Variants in ALG9 observed in about 807,000 individuals in gnomAD.
The protein encoded by ALG9 is ALG9 alpha-1,2-mannosyltransferase, also known as alpha-1,2-mannosyltransferase ALG9.
Under a neutral mutation model 81.8 loss-of-function variants are expected in ALG9, and 55 were observed. That is an observed-to-expected ratio of 0.67 (90% CI 0.54 to 0.84). The LOEUF (loss-of-function observed/expected upper bound fraction) is 0.84. Ranked by LOEUF, ALG9 falls within the 40% of genes least tolerant of loss-of-function variation. The pLI, the probability that ALG9 is intolerant of heterozygous loss-of-function variation, is 0.00. For synonymous variants in ALG9, 278 were observed against 274.3 expected (o/e 1.01, Z -0.13); for missense variants, 629 against 745.0 (o/e 0.84, Z 1.81).
rs1958167982 is a variant in ALG9 at position 111,853,573 on chromosome 11, C to G, written c.789+76G>C. On this transcript the variant is annotated intron_variant, in intron 7 of 14. Transcript: ENST00000616540. The stretch of plus-strand genomic sequence containing the variant: ...CTGAGAATGAAAAACAGAATAAACT[C>G]CTGATGTTCCTTTTTTCACATCAAA... 1.2e-5 allele frequency: 19 copies of G among 1,557,904 alleles called. 1 individual carries two copies. The South Asian group carries it at 2.1e-4, about 17-fold the overall frequency.
chr11:111,840,806 T>G lies in ALG9; in HGVS notation c.1022A>C (p.Gln341Pro). 6.2e-7 allele frequency: 1 copy of G among 1,614,120 alleles called. No individual in the cohort carries two copies. Among genetic ancestry groups the G allele is most frequent in the Non-Finnish European group, 8.5e-7 (1 of 1,179,980 alleles). ...MEYLLQRFHV[Q>P]NLGHPYWLTL... is the part of the protein sequence containing the mutation. ...AAGCCAATACGGGTGGCCTAAATTC[T>G]GAACTGCAAGACACAGAAAAATACC... is the stretch of plus-strand genomic sequence containing the variant. The change falls in exon 10 of 15, where the codon CAG becomes CCG. Residue 341 changes from glutamine to proline, a missense_variant. Physicochemically the swap from Gln to Pro is moderately conservative, Grantham distance 76 (BLOSUM62 -1). Transcript: ENST00000616540.
intron 9 of ALG9, among the ~76,000 whole-genome samples, chr11:111,843,586 G>C (rs1956539222): frequency 2.0e-5 from 3 of 152,146 alleles, no homozygotes; most frequent in Admixed American, 2.0e-4. Context: ...TGGGGGAACT[G>C]ATCATATGGC....
chr11:111,778,817 T>C (rs1243134749), downstream of ALG9, among the ~76,000 whole-genome samples: 21 of 121,552 alleles, frequency 1.7e-4, no homozygotes, highest in South Asian at 3.8e-3. Flanking sequence ...TTTTCTTTTC[T>C]TTTTTTTTTT....
At chr11:111,832,242 A>G (rs1303194758) in intron 13 of ALG9, among the ~76,000 whole-genome samples, 1 of 152,124 alleles carries the variant, frequency 6.6e-6, no homozygotes, top group Non-Finnish European at 1.5e-5. Context: ...ACCATTTAAC[A>G]TATGTAAAAT....
At chr11:111,797,174 C>G (rs1331965434) in intron 14 of ALG9, among the ~76,000 whole-genome samples, 1 of 152,180 alleles carries the variant, frequency 6.6e-6, no homozygotes, top group Non-Finnish European at 1.5e-5. Flanking sequence ...ACTTCTTTTC[C>G]CCTTGAGCAT....
chr11:111,854,263 A>ATTTTTTT (rs34277511), intron 6 of ALG9, among the ~76,000 whole-genome samples: 1 of 83,228 alleles, frequency 1.2e-5, no homozygotes, highest in African/African-American at 5.8e-5. Context: ...GCCCTGGCTA[A>ATTTTTTT]TTTTTTTTTT....
At chr11:111,864,213 G>A (rs747755415) in intron 4 of ALG9, 19 of 706,386 alleles carry the variant, frequency 2.7e-5, no homozygotes, top group Non-Finnish European at 3.7e-5. Context: ...GCTGACCCAC[G>A]ACCCACCAAC....
intron 14 of ALG9, among the ~76,000 whole-genome samples, chr11:111,789,805 G>C (rs1407394929): frequency 2.6e-5 from 4 of 151,224 alleles, no homozygotes; most frequent in Non-Finnish European, 4.4e-5. Context: ...AGGTGACAGA[G>C]GGAGACTCTG....
chr11:111,857,738 C>T lies in ALG9; in HGVS notation c.566-1G>A, dbSNP rs782379446. 17 of 1,613,748 alleles carry T rather than the reference C, an allele frequency of 1.1e-5. No homozygotes were observed. Among genetic ancestry groups the T allele is most frequent in the Non-Finnish European group, 1.4e-5 (17 of 1,179,980 alleles). The stretch of plus-strand genomic sequence containing the variant: ...ATACAGAAGCTACTAGGAAGGAATG[C>T]TGCAAGAGTAAAGAAGTGAAAAAAG... On this transcript the variant is annotated splice_acceptor_variant, in intron 5 of 14. Coordinates refer to ENST00000616540, the MANE Select transcript of ALG9 (RefSeq NM_024740.2). LOFTEE classifies it high-confidence loss of function.
At chr11:111,857,781 C>T (rs782126858) in intron 5 of ALG9, 44 bp from the exon 6 acceptor site, 3 of 1,610,584 alleles carry the variant, frequency 1.9e-6, no homozygotes, top group African/African-American at 1.3e-5. Flanking sequence ...GACAAGAGCT[C>T]GAGGTTAATT....
At position 111,870,381 on chromosome 11, in the gene ALG9, GCAAA is replaced by G; in HGVS notation, c.132-15_132-12del. 2.6e-5 allele frequency: 15 copies of G among 575,816 alleles called. No individual in the cohort carries two copies. The South Asian group carries it at 2.7e-4, about 10-fold the overall frequency. 35.7% of individuals were successfully genotyped at this position (575,816 alleles called of 1,614,324 possible). A position where few individuals can be genotyped will look rare whatever the true frequency, so the allele number is the denominator to read the frequency against. On this transcript the variant is annotated splice_polypyrimidine_tract_variant and intron_variant, in intron 1 of 14. Transcript: ENST00000616540. ...TTGTTCCCAGATAACCTGTTCAAAA[GCAAA>G]AAAAAAAAAAAAAAAAAAAGCATGT...
chr11:111,862,330 T>C (rs1960543445), intron 4 of ALG9, among the ~76,000 whole-genome samples: 1 of 151,460 alleles, frequency 6.6e-6, no homozygotes, highest in African/African-American at 2.4e-5. Context: ...GTCTCTTGAG[T>C]TCAAGTGATT....
At chr11:111,809,576 A>C (rs980973193) in intron 14 of ALG9, 67 bp downstream of exon 14, 1 of 1,595,648 alleles carries the variant, frequency 6.3e-7, no homozygotes, top group Admixed American at 1.7e-5. Context: ...TGGAAGTTAT[A>C]TAATCCTAGA....
chr11:111,775,358 C>T, the ALG9 span, among the ~76,000 whole-genome samples: 9 of 152,244 alleles, frequency 5.9e-5, no homozygotes, highest in South Asian at 2.1e-4. Flanking sequence ...CCCCTGGACA[C>T]GAAAGTCACA....
chr11:111,789,747 G>T (rs782239075), intron 14 of ALG9, among the ~76,000 whole-genome samples: 3 of 151,666 alleles, frequency 2.0e-5, no homozygotes, highest in East Asian at 3.9e-4. Flanking sequence ...TTGAACCTGG[G>T]GGGTAGAAGT....
intron 5 of ALG9, among the ~76,000 whole-genome samples, 166 bp downstream of exon 5, chr11:111,860,381 A>G (rs1478447642): frequency 6.6e-6 from 1 of 152,260 alleles, no homozygotes; most frequent in Non-Finnish European, 1.5e-5. Flanking sequence ...AATGTAGATA[A>G]CAGTGCTCTG....
chr11:111,839,115 T>C (rs1468888214), intron 10 of ALG9, among the ~76,000 whole-genome samples: 1 of 152,190 alleles, frequency 6.6e-6, no homozygotes, highest in Admixed American at 6.5e-5. Context: ...CCTAGCATAA[T>C]ACTGAATAAA....
At chr11:111,838,470 C>G in intron 10 of ALG9, 71 bp from the exon 11 acceptor site, 1 of 1,385,810 alleles carries the variant, frequency 7.2e-7, no homozygotes, top group Non-Finnish European at 1.0e-6. Context: ...AAGAGCGAAG[C>G]CAAAAAAGAG....
chr11:111,769,706 G>A, the ALG9 span, among the ~76,000 whole-genome samples: 20 of 152,126 alleles, frequency 1.3e-4, 1 homozygote, highest in African/African-American at 4.6e-4. Context: ...TACTGTTTTC[G>A]ATATTAACTC....
Sources: gnomAD v4.1 joint callset for allele counts (sites outside exome capture counted in the v4.1 genomes callset) on GRCh38, gnomAD v4.1.1 for gene constraint, MANE v1.5 for transcripts, NCBI Gene and HGNC (gene_info 2026-07-23, HGNC 2026-07-21) for gene names.